KBTBD11: variants seen among roughly 807,000 people sequenced by gnomAD.
KBTBD11 encodes the protein kelch repeat and BTB domain-containing protein 11.
For missense variants in KBTBD11, 1,390 were observed against 1,001.8 expected (o/e 1.39, Z -5.23); for synonymous variants, 747 against 499.0 (o/e 1.50, Z -6.63).
In KBTBD11 at chr8:2,001,354, C is replaced by A; in HGVS notation, c.162C>A (p.Leu54=). ...SSGEESPPQS[L]ASAAEGAATS... ...GGGAAGAGTCCCCGCCGCAGTCCCT[C>A]GCCTCAGCGGCGGAAGGCGCGGCCA... The change falls in exon 2 of 2, where the codon CTC becomes CTA. Residue 54 remains leucine (L), a synonymous_variant. Transcript: ENST00000320248. 1 of 1,494,252 alleles carries A rather than the reference C, an allele frequency of 6.7e-7. No individual in the cohort carries two copies. Among genetic ancestry groups the A allele is most frequent in the African/African-American group, 1.4e-5 (1 of 69,008 alleles). 92.6% of individuals were successfully genotyped at this position (1,494,252 alleles called of 1,614,324 possible).
At chr8:1,983,187 A>G (rs1816597111) in intron 1 of KBTBD11, among the ~76,000 whole-genome samples, 1 of 152,172 alleles carries the variant, frequency 6.6e-6, no homozygotes, top group Admixed American at 6.5e-5. Flanking sequence ...CCACACCTAG[A>G]ACTTGGCAGC....
chr8:1,974,350 C>T (rs1816246429), intron 1 of KBTBD11: 6 of 984,406 alleles, frequency 6.1e-6, no homozygotes, highest in Non-Finnish European at 6.0e-6. Flanking sequence ...CGCCGAGGGT[C>T]CCGCCGCCCC....
intron 1 of KBTBD11, among the ~76,000 whole-genome samples, chr8:1,986,870 T>A (rs1012429990): frequency 2.0e-5 from 3 of 152,136 alleles, no homozygotes; most frequent in Admixed American, 1.3e-4. Context: ...ATTTTTTGTT[T>A]GTTTGTAAGA....
chr8:1,997,711 G>A (rs1817195824), intron 1 of KBTBD11, among the ~76,000 whole-genome samples: 1 of 152,250 alleles, frequency 6.6e-6, no homozygotes, highest in Non-Finnish European at 1.5e-5. Context: ...GGAGCTGCTG[G>A]CCTGCTTTTG....
chr8:2,003,168 C>T lies in KBTBD11; in HGVS notation c.*104C>T. Reference sequence around the variant, plus strand: ...GGTGGGGAGTCGGGGCCGCTGGCCACGCTGGTGGTTTGGACACTTCGAAGG... The same window carrying T: ...GGTGGGGAGTCGGGGCCGCTGGCCATGCTGGTGGTTTGGACACTTCGAAGG... On this transcript the variant is annotated 3_prime_UTR_variant, in exon 2 of 2. Transcript: ENST00000320248. The T allele has an allele frequency of 4.0e-6, 5 of 1,245,976 alleles. No individual in the cohort carries two copies. Among genetic ancestry groups the T allele is most frequent in the African/African-American group, 1.6e-5 (1 of 64,258 alleles). 77.2% of individuals were successfully genotyped at this position (1,245,976 alleles called of 1,614,324 possible). A position where few individuals can be genotyped will look rare whatever the true frequency, so the allele number is the denominator to read the frequency against.
At chr8:1,998,411 T>C (rs79774707) in intron 1 of KBTBD11, among the ~76,000 whole-genome samples, 1 of 152,342 alleles carries the variant, frequency 6.6e-6, no homozygotes, top group East Asian at 1.9e-4. Context: ...CTTTCAGGCT[T>C]TGAACTGATT....
chr8:1,997,931 A>C (rs1817204086), intron 1 of KBTBD11, among the ~76,000 whole-genome samples: 1 of 152,038 alleles, frequency 6.6e-6, no homozygotes, highest in South Asian at 2.1e-4. Flanking sequence ...GAAGGACACA[A>C]TTTAATAATG....
Position 1,990,211 on chromosome 8 carries a change from C to T in KBTBD11, c.-908-10074C>T, listed in dbSNP as rs943060662. Among the ~76,000 whole-genome samples, 16 of 151,152 alleles carry T rather than the reference C, an allele frequency of 1.1e-4. No individual in the cohort carries two copies. In the East Asian group the frequency reaches 1.2e-3, roughly 11 times the overall value. ...AGATGCTGGGCCTTGGCGCCCTGTC[C>T]AGGTGGGTGCTGGGCCTTGGTGCCC... On this transcript the variant is annotated intron_variant, in intron 1 of 1. Coordinates refer to ENST00000320248, the MANE Select transcript of KBTBD11 (RefSeq NM_014867.3).
intron 1 of KBTBD11, chr8:1,974,633 G>C: frequency 3.0e-6 from 3 of 985,304 alleles, no homozygotes; most frequent in Non-Finnish European, 3.6e-6. Context: ...CGGCTCCCGA[G>C]TCCTGCCGGG....
At position 2,002,419 on chromosome 8, in the gene KBTBD11, C is replaced by A. The variant is rs990681713; in HGVS notation, c.1227C>A (p.Ala409=). 7 of 1,492,898 alleles carry A rather than the reference C, an allele frequency of 4.7e-6. No individual in the cohort carries two copies. In the African/African-American group the frequency reaches 1.0e-4, roughly 22 times the overall value. The allele number at this position is 1,492,898 out of a possible 1,614,324, so 92.5% of individuals were successfully genotyped here. ...CGCGCTCGCAGCTGCGGCTGCTGGCCCTGGACGGTCACCTCTACGCCGTGG... is the reference window on the plus strand; with the variant it reads ...CGCGCTCGCAGCTGCGGCTGCTGGCACTGGACGGTCACCTCTACGCCGTGG... ...RQARSQLRLL[A]LDGHLYAVGG... Residue 409 remains alanine, a synonymous_variant, in exon 2 of 2, where the codon GCC becomes GCA. Coordinates refer to ENST00000320248, the MANE Select transcript of KBTBD11 (RefSeq NM_014867.3). The surrounding 1 kb of genome is among the most constrained non-coding windows in gnomAD (Gnocchi z 4.1).
chr8:1,984,574 T>G (rs1816651029), intron 1 of KBTBD11, among the ~76,000 whole-genome samples: 1 of 152,012 alleles, frequency 6.6e-6, no homozygotes, highest in Non-Finnish European at 1.5e-5. Context: ...GGCATGAGCC[T>G]CCACGCGTGG....
At chr8:1,983,807 T>C (rs182603909) in intron 1 of KBTBD11, among the ~76,000 whole-genome samples, 102 of 152,398 alleles carry the variant, frequency 6.7e-4, no homozygotes, top group Non-Finnish European at 1.2e-3. Context: ...AAGAAAATTT[T>C]ATTGAAGTCT....
chr8:1,978,531 C>A (rs1057087349), intron 1 of KBTBD11, among the ~76,000 whole-genome samples: 7 of 152,190 alleles, frequency 4.6e-5, no homozygotes, highest in African/African-American at 1.7e-4. Context: ...AGTGGACTCC[C>A]TGTGTGTTGA....
rs985676525 is a variant in KBTBD11 at position 2,003,734 on chromosome 8, C to G, written c.*670C>G. ...ACTCACATGCCTAGAGCAGCTCCGT[C>G]TCACTGTTGGACCGAGGGGGCTTTC... On this transcript the variant is annotated 3_prime_UTR_variant, in exon 2 of 2. Coordinates refer to ENST00000320248, the MANE Select transcript of KBTBD11 (RefSeq NM_014867.3). The G allele has an allele frequency of 4.2e-5, 7 of 167,080 alleles. No individual in the cohort carries two copies. The highest frequency in any genetic ancestry group is 1.7e-4 in the African/African-American group (7 of 41,444). 10.3% of individuals were successfully genotyped at this position (167,080 alleles called of 1,614,324 possible).
In KBTBD11 at chr8:2,003,124, G is replaced by T; in HGVS notation, c.*60G>T. On this transcript the variant is annotated 3_prime_UTR_variant, in exon 2 of 2. Transcript: ENST00000320248. The stretch of plus-strand genomic sequence containing the variant: ...GGTTTGCGGGGCCCAGGTCCCTTTG[G>T]GCCCGCGGAGGAGGACGTGGTGGGG... The T allele has an allele frequency of 1.6e-6, 2 of 1,250,812 alleles. No homozygotes were observed. Among genetic ancestry groups the T allele is most frequent in the South Asian group, 7.4e-5 (2 of 26,904 alleles). The allele number at this position is 1,250,812 out of a possible 1,614,324, so 77.5% of individuals were successfully genotyped here.
At chr8:1,993,720 C>G (rs1300135345) in intron 1 of KBTBD11, among the ~76,000 whole-genome samples, 1 of 151,806 alleles carries the variant, frequency 6.6e-6, no homozygotes, top group African/African-American at 2.4e-5. Context: ...CTATGTGGTG[C>G]TAAAATAAGA....
At chr8:1,999,206 A>G (rs933930486) in intron 1 of KBTBD11, among the ~76,000 whole-genome samples, 2 of 152,198 alleles carry the variant, frequency 1.3e-5, no homozygotes, top group African/African-American at 4.8e-5. Flanking sequence ...ACTTGAAGAC[A>G]CTTTTATTTC....
In KBTBD11 at chr8:2,002,931, AGGCCGGCGGCGACGCAGGCCAG is replaced by A. The variant is rs919639348; in HGVS notation, c.1743_1764del (p.Gly582AlafsTer105). The A allele has an allele frequency of 7.6e-7, 1 of 1,321,248 alleles. No individual in the cohort carries two copies. The highest frequency in any genetic ancestry group is 9.6e-7 in the Non-Finnish European group (1 of 1,038,586). The allele number at this position is 1,321,248 out of a possible 1,614,324, so 81.8% of individuals were successfully genotyped here. A position where few individuals can be genotyped will look rare whatever the true frequency, so the allele number is the denominator to read the frequency against. On this transcript the variant is annotated frameshift_variant, in exon 2 of 2. Transcript: ENST00000320248. LOFTEE classifies it low-confidence loss of function (END_TRUNC). The surrounding 1 kb of genome is among the most constrained non-coding windows in gnomAD (Gnocchi z 4.1). Reference sequence around the variant, plus strand: ...CGCTTCCAGCCTGCCCGGGAAGGCGAGGCCGGCGGCGACGCAGGCCAGGGCGGCGGCTTCGAGGCGCTGGGCG... The same window carrying A: ...CGCTTCCAGCCTGCCCGGGAAGGCGAGGCGGCGGCTTCGAGGCGCTGGGCG...
intron 1 of KBTBD11, among the ~76,000 whole-genome samples, chr8:1,985,859 G>A (rs572621852): frequency 1.3e-5 from 2 of 152,304 alleles, no homozygotes; most frequent in Non-Finnish European, 1.5e-5. Flanking sequence ...TTAGTGAGAC[G>A]TTAAAAGAGT....
Sources: allele counts gnomAD v4.1 joint callset (sites outside exome capture counted in the v4.1 genomes callset), GRCh38; gene constraint gnomAD v4.1.1; non-coding constraint Gnocchi (gnomAD v3.1); transcripts MANE v1.5; gene names NCBI Gene and HGNC (gene_info 2026-07-23, HGNC 2026-07-21).